DCAF10: variants seen among roughly 807,000 people sequenced by gnomAD.
DCAF10 encodes DDB1 and CUL4 associated factor 10, also known as DDB1- and CUL4-associated factor 10.
DCAF10 carries 19 observed loss-of-function variants against 51.9 expected under a neutral mutation model. The observed-to-expected ratio is 0.37, with a 90% confidence interval of 0.26 to 0.54. The LOEUF (loss-of-function observed/expected upper bound fraction) is 0.54, where lower values mean the gene tolerates loss of function less well. DCAF10 is among the 20% of genes least tolerant of loss of function. The pLI is 0.87. For synonymous variants in DCAF10, 291 were observed against 297.1 expected, an observed-to-expected ratio of 0.98 and a Z score of 0.21; for missense variants, 510 against 730.6, an observed-to-expected ratio of 0.70 and a Z score of 3.48.
intron 1 of DCAF10, among the ~76,000 whole-genome samples, chr9:37,806,397 C>T (rs1476101128): frequency 1.3e-5 from 2 of 152,148 alleles, no homozygotes; most frequent in East Asian, 3.8e-4. Context: ...GGGCAGCAGC[C>T]ATTCTAATTA....
chr9:37,836,079 G>A, intron 2 of DCAF10: 3 of 1,184,088 alleles, frequency 2.5e-6, no homozygotes, highest in Non-Finnish European at 3.8e-6. Context: ...ATATTTTGCT[G>A]TGCTTGATGC....
chr9:37,803,599 C>T (rs1315998016), intron 1 of DCAF10, among the ~76,000 whole-genome samples: 3 of 150,670 alleles, frequency 2.0e-5, no homozygotes, highest in Non-Finnish European at 4.4e-5. Flanking sequence ...CATTCTTTTT[C>T]ATGTTTATCA....
At chr9:37,854,684 C>T in intron 3 of DCAF10, 96 bp from the exon 4 acceptor site, 1 of 1,147,320 alleles carries the variant, frequency 8.7e-7, no homozygotes, top group Middle Eastern at 2.1e-4. Flanking sequence ...TTCTCATCCT[C>T]CCTACATTTT....
chr9:37,847,698 G>A (rs1310089064), intron 3 of DCAF10, among the ~76,000 whole-genome samples: 3 of 152,078 alleles, frequency 2.0e-5, no homozygotes, highest in Non-Finnish European at 4.4e-5. Flanking sequence ...ATTCAGAATA[G>A]AAAGGAAGAC....
chr9:37,828,933 T>C (rs893436652), intron 2 of DCAF10, among the ~76,000 whole-genome samples: 1 of 152,210 alleles, frequency 6.6e-6, no homozygotes, highest in Non-Finnish European at 1.5e-5. Flanking sequence ...ATTCTAAGTG[T>C]AAGAAAGGAT....
chr9:37,826,580 C>T (rs73646105), intron 2 of DCAF10, among the ~76,000 whole-genome samples: 2,995 of 152,148 alleles, frequency 0.02, 102 homozygotes, highest in African/African-American at 0.069. Flanking sequence ...GGTGTATGTA[C>T]GTGGGAGAGC....
At chr9:37,844,915 T>C (rs1830436382) in intron 3 of DCAF10, among the ~76,000 whole-genome samples, 1 of 152,212 alleles carries the variant, frequency 6.6e-6, no homozygotes. Context: ...TTTAGATTTC[T>C]GCTACCAACA....
At chr9:37,835,157 G>A (rs553666629) in intron 2 of DCAF10, among the ~76,000 whole-genome samples, 7 of 152,096 alleles carry the variant, frequency 4.6e-5, no homozygotes, top group African/African-American at 7.2e-5. Flanking sequence ...CATCAGGGCC[G>A]GGCGCAGTGG....
Position 37,861,911 on chromosome 9 carries a change from G to A in DCAF10, c.*403G>A, listed in dbSNP as rs966041047. 4 of 172,400 alleles carry A rather than the reference G, an allele frequency of 2.3e-5. No homozygotes were observed. Among genetic ancestry groups the A allele is most frequent in the East Asian group, 1.4e-4 (1 of 6,924 alleles). The allele number at this position is 172,400 out of a possible 1,614,324, so 10.7% of individuals were successfully genotyped here. On this transcript the variant is annotated 3_prime_UTR_variant, in exon 7 of 7. Coordinates refer to ENST00000377724, the MANE Select transcript of DCAF10 (RefSeq NM_024345.5). This position sits in a 1 kb window ranked among gnomAD's most constrained non-coding sequence, Gnocchi z 4.9. ...GACATTTGGCAGGAGTTTTGACTGGGGTAGGAGAAACCCATGACATTAGAA... is the reference window on the plus strand; with the variant it reads ...GACATTTGGCAGGAGTTTTGACTGGAGTAGGAGAAACCCATGACATTAGAA...
At chr9:37,842,938 C>T (rs1471865550) in intron 3 of DCAF10, among the ~76,000 whole-genome samples, 1 of 152,190 alleles carries the variant, frequency 6.6e-6, no homozygotes, top group Admixed American at 6.5e-5. Flanking sequence ...GTTTGAAAAA[C>T]AATTAAAATA....
intron 3 of DCAF10, among the ~76,000 whole-genome samples, chr9:37,853,596 C>G (rs900122343): frequency 3.3e-5 from 5 of 151,828 alleles, no homozygotes; most frequent in African/African-American, 1.2e-4. Context: ...ACTTTTTCTT[C>G]TGGTACTCAT....
At position 37,815,926 on chromosome 9, in the gene DCAF10, T is replaced by C. The variant is rs147465898; in HGVS notation, c.540-3362T>C. Among the ~76,000 whole-genome samples the C allele has an allele frequency of 7.9e-3, 1,206 of 152,164 alleles. 13 individuals carry two copies. Among genetic ancestry groups the C allele is most frequent in the African/African-American group, 0.027 (1,133 of 41,506 alleles). ...CTCCCACCTCAGCCACCCAAATAGC[T>C]GGGACTACAGGTGTGCACCATCATA... is the stretch of plus-strand genomic sequence containing the variant. On this transcript the variant is annotated intron_variant, in intron 1 of 6. Coordinates refer to ENST00000377724, the MANE Select transcript of DCAF10 (RefSeq NM_024345.5).
In DCAF10 at chr9:37,808,399, G is replaced by A. The variant is rs963786355; in HGVS notation, c.539+6994G>A. Among the ~76,000 whole-genome samples the A allele has an allele frequency of 1.1e-4, 15 of 141,558 alleles. No homozygotes were observed. The South Asian group carries it at 2.1e-3, about 20-fold the overall frequency. 92.9% of individuals were successfully genotyped at this position (141,558 alleles called of 152,430 possible). The stretch of plus-strand genomic sequence containing the variant: ...CTCCAGCCTGGGCGACAGCCTGGGC[G>A]ACAGAATGAGACCCTGTCTCAAGAA... On this transcript the variant is annotated intron_variant, in intron 1 of 6. Transcript: ENST00000377724.
At position 37,865,731 on chromosome 9, in the gene DCAF10, GTGTGGGTGGT is replaced by G; in HGVS notation, c.*4224_*4233del. On this transcript the variant is annotated 3_prime_UTR_variant, in exon 7 of 7. Transcript: ENST00000377724. ...GTCTATTTTAGTCTTTTAAAAATGT[GTGTGGGTGGT>G]CTTTTTTCCTCAGAAGCCCAAAGCA... 1 of 152,144 alleles carries G rather than the reference GTGTGGGTGGT, an allele frequency of 6.6e-6. No individual in the cohort carries two copies. The highest frequency in any genetic ancestry group is 1.5e-5 in the Non-Finnish European group (1 of 68,010). The allele number at this position is 152,144 out of a possible 1,614,324, so 9.4% of individuals were successfully genotyped here.
At position 37,866,729 on chromosome 9, in the gene DCAF10, G is replaced by A. The variant is rs947311408; in HGVS notation, c.*5221G>A. 2.0e-5 allele frequency: 3 copies of A among 152,612 alleles called. No homozygotes were observed. The highest frequency in any genetic ancestry group is 7.2e-5 in the African/African-American group (3 of 41,442). The allele number at this position is 152,612 out of a possible 1,614,324, so 9.5% of individuals were successfully genotyped here. On this transcript the variant is annotated 3_prime_UTR_variant, in exon 7 of 7. Coordinates refer to ENST00000377724, the MANE Select transcript of DCAF10 (RefSeq NM_024345.5). The stretch of plus-strand genomic sequence containing the variant: ...TAGATAATAGAAACTCCCAGTTAAA[G>A]CCTAGGCTAGCAATTTTTTTTAGTT...
rs2118228846 is a variant in DCAF10 at position 37,865,055 on chromosome 9, T to C, written c.*3547T>C. On this transcript the variant is annotated 3_prime_UTR_variant, in exon 7 of 7. Transcript: ENST00000377724. ...TGTAAAGTATGGTAAGCTGGCCTGTTATTTGTTTAGTATCTTCTGGATTTT... is the reference window on the plus strand; with the variant it reads ...TGTAAAGTATGGTAAGCTGGCCTGTCATTTGTTTAGTATCTTCTGGATTTT... 6.6e-6 allele frequency: 1 copy of C among 152,280 alleles called. No homozygotes were observed. Among genetic ancestry groups the C allele is most frequent in the Middle Eastern group, 3.4e-3 (1 of 294 alleles). The allele number at this position is 152,280 out of a possible 1,614,324, so 9.4% of individuals were successfully genotyped here. A position where few individuals can be genotyped will look rare whatever the true frequency, so the allele number is the denominator to read the frequency against.
At position 37,801,435 on chromosome 9, in the gene DCAF10, C is replaced by G. The variant is rs1828939445; in HGVS notation, c.539+30C>G. 3 of 1,408,622 alleles carry G rather than the reference C, an allele frequency of 2.1e-6. No homozygotes were observed. The highest frequency in any genetic ancestry group is 1.9e-6 in the Non-Finnish European group (2 of 1,080,030). The allele number at this position is 1,408,622 out of a possible 1,614,324, so 87.3% of individuals were successfully genotyped here. On this transcript the variant is annotated intron_variant, in intron 1 of 6. Transcript: ENST00000377724. This position sits in a 1 kb window ranked among gnomAD's most constrained non-coding sequence, Gnocchi z 5.5. ...GCGCGGCCCCTCGGAGGGCGGGCGC[C>G]CGCCTCCGCCCGGCTCTGCTGCCAG...
At position 37,842,221 on chromosome 9, in the gene DCAF10, T is replaced by C; in HGVS notation, c.786T>C (p.Asp262=). Residue 262 remains aspartate (D), a synonymous_variant, in exon 3 of 7, where the codon GAT becomes GAC. Coordinates refer to ENST00000377724, the MANE Select transcript of DCAF10 (RefSeq NM_024345.5). ...GCTGGGTGAAGAACATCGAATATGATACTAATACAAGACTCTTAGTAACAT... is the reference window on the plus strand; with the variant it reads ...GCTGGGTGAAGAACATCGAATATGACACTAATACAAGACTCTTAGTAACAT... ...HTSWVKNIEY[D]TNTRLLVTSG... 3.7e-6 allele frequency: 6 copies of C among 1,613,982 alleles called. No individual in the cohort carries two copies. Among genetic ancestry groups the C allele is most frequent in the Non-Finnish European group, 5.1e-6 (6 of 1,179,938 alleles).
At chr9:37,808,204 C>A (rs1391046903) in intron 1 of DCAF10, among the ~76,000 whole-genome samples, 1 of 151,670 alleles carries the variant, frequency 6.6e-6, no homozygotes, top group African/African-American at 2.4e-5. Flanking sequence ...GAGGCTGAGG[C>A]AGGTGGATCA....
Sources: gnomAD v4.1 joint callset for allele counts (sites outside exome capture counted in the v4.1 genomes callset) on GRCh38, gnomAD v4.1.1 for gene constraint, Gnocchi (gnomAD v3.1) non-coding constraint, MANE v1.5 for transcripts, NCBI Gene and HGNC (gene_info 2026-07-23, HGNC 2026-07-21) for gene names.